The following CARS2 variants were observed in gnomAD, a reference collection of about 807,000 sequenced individuals.
The protein encoded by CARS2 is probable cysteine--tRNA ligase, mitochondrial.
In CARS2, 52 loss-of-function variants were observed where a neutral mutation model predicts 68.8. The ratio of observed to expected loss-of-function variants is 0.76; its 90% CI spans 0.61 to 0.95. The LOEUF (loss-of-function observed/expected upper bound fraction) is 0.95. CARS2 is among the 40% of genes least tolerant of loss of function. The pLI is 0.00. For synonymous variants in CARS2, 314 were observed against 303.6 expected (o/e 1.03, Z -0.36); for missense variants, 780 against 754.2 (o/e 1.03, Z -0.40).
intron 7 of CARS2, among the ~76,000 whole-genome samples, chr13:110,673,145 G>T (rs1391693120): frequency 2.0e-5 from 3 of 152,184 alleles, no homozygotes; most frequent in African/African-American, 7.2e-5. Context: ...GTACAAGGAG[G>T]AGCTGGTACC....
At chr13:110,679,136 T>C (rs2063062307) in intron 6 of CARS2, among the ~76,000 whole-genome samples, 1 of 152,132 alleles carries the variant, frequency 6.6e-6, no homozygotes, top group Non-Finnish European at 1.5e-5. Flanking sequence ...CCTCAGTCTA[T>C]GGGAGAGGCC....
chr13:110,652,703 G>A (rs747520718), intron 9 of CARS2, among the ~76,000 whole-genome samples: 12 of 152,194 alleles, frequency 7.9e-5, no homozygotes, highest in Non-Finnish European at 1.8e-4. Flanking sequence ...TCTCATGTGG[G>A]GTGGCGTTAA....
chr13:110,646,987 C>T, intron 11 of CARS2, 114 bp downstream of exon 11: 2 of 1,302,370 alleles, frequency 1.5e-6, no homozygotes, highest in Non-Finnish European at 1.0e-6. Context: ...GACCCCAAAC[C>T]TCCTGTCCAG....
chr13:110,693,328 C>T (rs2063528654), intron 3 of CARS2, among the ~76,000 whole-genome samples: 2 of 151,964 alleles, frequency 1.3e-5, no homozygotes, highest in African/African-American at 2.4e-5. Flanking sequence ...AAGTGGAATA[C>T]CCACCTACTG....
chr13:110,678,863 C>A (rs911067957), intron 6 of CARS2, among the ~76,000 whole-genome samples: 1 of 152,080 alleles, frequency 6.6e-6, no homozygotes, highest in African/African-American at 2.4e-5. Context: ...GACGGGGCTA[C>A]AGAAGGCAGC....
intron 13 of CARS2, 97 bp downstream of exon 13, chr13:110,644,288 G>T: frequency 2.2e-6 from 3 of 1,354,190 alleles, no homozygotes; most frequent in Non-Finnish European, 3.1e-6. Flanking sequence ...ACATTAGTGT[G>T]GCATCATAAT....
At chr13:110,703,880 C>G (rs1212745219) in intron 2 of CARS2, among the ~76,000 whole-genome samples, 2 of 152,220 alleles carry the variant, frequency 1.3e-5, no homozygotes, top group Non-Finnish European at 2.9e-5. Flanking sequence ...ATGGTTGAAA[C>G]CCTAACTCCC....
At chr13:110,686,327 G>T (rs894502919) in intron 5 of CARS2, among the ~76,000 whole-genome samples, 5 of 150,108 alleles carry the variant, frequency 3.3e-5, no homozygotes, top group Non-Finnish European at 5.9e-5. Flanking sequence ...CTGCAGCCTC[G>T]AATTTCCTGG....
At chr13:110,690,380 C>T (rs2063422947) in intron 3 of CARS2, among the ~76,000 whole-genome samples, 1 of 152,178 alleles carries the variant, frequency 6.6e-6, no homozygotes. Flanking sequence ...ACCAGTTTTC[C>T]CACAAGCATG....
Position 110,663,504 on chromosome 13 carries a change from T to G in CARS2, c.934A>C (p.Lys312Gln). The G allele has an allele frequency of 6.2e-7, 1 of 1,614,096 alleles. No individual in the cohort carries two copies. Among genetic ancestry groups the G allele is most frequent in the Non-Finnish European group, 8.5e-7 (1 of 1,180,012 alleles). The change falls in exon 9 of 15, where the codon AAA (lysine) becomes CAA (glutamine). Residue 312 changes from lysine to glutamine, a missense_variant. By Grantham distance (53) the Lys-to-Gln change is moderately conservative (BLOSUM62 1). Transcript: ENST00000257347. Reference sequence around the variant, plus strand: ...TTGGACATTTTTTCTTCTTTGCCTTTGGCGTGCAAATGCCCTGAAACAAAA... The same window carrying G: ...TTGGACATTTTTTCTTCTTTGCCTTGGGCGTGCAAATGCCCTGAAACAAAA... ...YFLHSGHLHAKGKEEKMSKSL... is the reference protein window; with the variant it reads ...YFLHSGHLHAQGKEEKMSKSL...
At position 110,667,441 on chromosome 13, in the gene CARS2, G is replaced by A; in HGVS notation, c.818C>T (p.Ser273Leu). 6.2e-7 allele frequency: 1 copy of A among 1,613,740 alleles called. No homozygotes were observed. The highest frequency in any genetic ancestry group is 2.2e-5 in the East Asian group (1 of 44,864). The change falls in exon 8 of 15, where the codon TCA (serine) becomes TTA (leucine). Residue 273 changes from serine (S) to leucine (L), a missense_variant. Physicochemically the swap from Ser to Leu is moderately radical, Grantham distance 145 (BLOSUM62 -2). Coordinates refer to ENST00000257347, the MANE Select transcript of CARS2 (RefSeq NM_024537.4). ...MVFGSQLDIH[S>L]GGIDLAFPHH... ...TGGAAAAGCTAAATCTATCCCACCT[G>A]AATGGATATCCAGTTGACTTCCAAA...
intron 6 of CARS2, among the ~76,000 whole-genome samples, chr13:110,679,855 AG>A (rs1242947865): frequency 1.3e-5 from 2 of 152,136 alleles, no homozygotes; most frequent in Admixed American, 6.5e-5. Context: ...CCAGCAAAAG[AG>A]GGGGCACGCC....
At chr13:110,708,965 G>C (rs1437648422), upstream of CARS2, among the ~76,000 whole-genome samples, 5 of 152,030 alleles carry the variant, frequency 3.3e-5, no homozygotes, top group Non-Finnish European at 7.4e-5. Flanking sequence ...TGTTGGCCAG[G>C]CTGGTCTGGG....
In CARS2 at chr13:110,642,510, T is replaced by C. The variant is rs1277967528; in HGVS notation, c.1428A>G (p.Gly476=). The change falls in exon 14 of 15, where the codon GGA becomes GGG. Residue 476 remains glycine (G), a synonymous_variant. Coordinates refer to ENST00000257347, the MANE Select transcript of CARS2 (RefSeq NM_024537.4). ...ISLANQQYVS[G]DGSEATLHGV... Reference sequence around the variant, plus strand: ...CATGCAAGGTAGCCTCGCTGCCGTCTCCTGAAACGTACTGAAGCCAGCAGG... The same window carrying C: ...CATGCAAGGTAGCCTCGCTGCCGTCCCCTGAAACGTACTGAAGCCAGCAGG... 1 of 1,608,310 alleles carries C rather than the reference T, an allele frequency of 6.2e-7. No individual in the cohort carries two copies. The highest frequency in any genetic ancestry group is 1.3e-5 in the African/African-American group (1 of 74,966).
chr13:110,706,196 T>G (rs1189598029), upstream of CARS2: 4 of 838,136 alleles, frequency 4.8e-6, no homozygotes, highest in South Asian at 5.3e-5. Context: ...GCCCACGCCC[T>G]TGGGGCCACG....
intron 1 of CARS2, chr13:110,712,601 G>A (rs1431584739): frequency 2.3e-6 from 1 of 429,142 alleles, no homozygotes; most frequent in Non-Finnish European, 4.4e-6. Context: ...TTCTCAGAAA[G>A]CCCAAAATCC....
intron 14 of CARS2, among the ~76,000 whole-genome samples, chr13:110,641,839 C>A (rs1176233497): frequency 6.6e-6 from 1 of 152,180 alleles, no homozygotes; most frequent in Non-Finnish European, 1.5e-5. Flanking sequence ...GCTCAGCGTC[C>A]CCTGCAGCCA....
At chr13:110,702,319 T>G (rs1350707548) in intron 2 of CARS2, among the ~76,000 whole-genome samples, 1 of 152,192 alleles carries the variant, frequency 6.6e-6, no homozygotes, top group Non-Finnish European at 1.5e-5. Flanking sequence ...GACCAAATCT[T>G]GATTCCAGGG....
intron 1 of CARS2, chr13:110,712,691 G>C (rs769229308): frequency 5.3e-5 from 36 of 673,924 alleles, no homozygotes; most frequent in South Asian, 6.0e-5. Context: ...CCGGCCGACC[G>C]GGTGTCTGCA....
Sources: gnomAD v4.1 joint callset for allele counts (sites outside exome capture counted in the v4.1 genomes callset) on GRCh38, gnomAD v4.1.1 for gene constraint, MANE v1.5 for transcripts, NCBI Gene and HGNC (gene_info 2026-07-23, HGNC 2026-07-21) for gene names.